Variants in USP4 observed in about 807,000 individuals in gnomAD.
The protein encoded by USP4 is ubiquitin specific peptidase 4.
A neutral mutation model predicts 118.2 loss-of-function variants in USP4; 72 were observed. The ratio of observed to expected loss-of-function variants is 0.61; its 90% CI spans 0.50 to 0.74. The LOEUF (loss-of-function observed/expected upper bound fraction) is 0.74. Ranked by LOEUF, USP4 falls within the 30% of genes least tolerant of loss-of-function variation. USP4 has a pLI of 0.00. For missense variants in USP4, 1,037 were observed against 1,185.7 expected, an observed-to-expected ratio of 0.87 and a Z score of 1.84; for synonymous variants, 415 against 440.4, an observed-to-expected ratio of 0.94 and a Z score of 0.72.
intron 8 of USP4, among the ~76,000 whole-genome samples, chr3:49,309,212 A>G (rs2047354633): frequency 6.6e-6 from 1 of 151,946 alleles, no homozygotes; most frequent in South Asian, 2.1e-4. Context: ...ACTTTAAGTA[A>G]ATTCCGTGAC....
Position 49,278,082 on chromosome 3 carries a change from C to G in USP4, c.*211G>C. ...AGGTTTCACAGAAATTTCTCACCAC[C>G]TGTTTAAAAATAAAAATAATTCAGC... On this transcript the variant is annotated 3_prime_UTR_variant, in exon 22 of 22. Transcript: ENST00000265560. The G allele has an allele frequency of 1.7e-6, 1 of 572,852 alleles. No individual in the cohort carries two copies. Among genetic ancestry groups the G allele is most frequent in the South Asian group, 3.2e-5 (1 of 31,136 alleles). The allele number at this position is 572,852 out of a possible 1,614,324, so 35.5% of individuals were successfully genotyped here.
chr3:49,294,416 T>A lies in USP4; in HGVS notation c.1874A>T (p.Asp625Val). 6.2e-7 allele frequency: 1 copy of A among 1,612,516 alleles called. No individual in the cohort carries two copies. The highest frequency in any genetic ancestry group is 8.5e-7 in the Non-Finnish European group (1 of 1,179,044). ...CATTCCTGCCACCAACCTGATACGA[T>A]CACAAACAGCCTGGTACAAAGACTC... is the stretch of plus-strand genomic sequence containing the variant. ...TLESLYQAVC[D>V]RISRYVKQPL... The change falls in exon 14 of 22, where the codon GAT (aspartate) becomes GTT (valine). Residue 625 changes from aspartate to valine, a missense_variant. This residue lies in a region of USP4 where 522 missense variants were observed against 592.6 expected (regional missense o/e 0.88). Coordinates refer to ENST00000265560, the MANE Select transcript of USP4 (RefSeq NM_003363.4).
intron 6 of USP4, among the ~76,000 whole-genome samples, chr3:49,319,518 G>A (rs1390888646): frequency 1.3e-5 from 2 of 152,014 alleles, no homozygotes; most frequent in Non-Finnish European, 1.5e-5. Context: ...CCAAAGTGCT[G>A]GGATTACAGG....
At chr3:49,320,844 A>G (rs1206519002) in intron 6 of USP4, among the ~76,000 whole-genome samples, 1 of 150,788 alleles carries the variant, frequency 6.6e-6, no homozygotes, top group Non-Finnish European at 1.5e-5. Context: ...TTCCTTTTGC[A>G]GGTGTGGCAG....
At chr3:49,278,759 C>A in intron 21 of USP4, 55 bp downstream of exon 21, 1 of 1,359,350 alleles carries the variant, frequency 7.4e-7, no homozygotes, top group South Asian at 1.3e-5. Flanking sequence ...AGAGGCTCTT[C>A]CCAGCTTTAA....
intron 6 of USP4, chr3:49,317,458 G>GTCAACA (rs774211530): frequency 9.1e-6 from 7 of 771,554 alleles, no homozygotes; most frequent in Non-Finnish European, 6.8e-6. Context: ...GCCCTGCTGG[G>GTCAACA]TCAACATCTC....
chr3:49,310,716 C>G lies in USP4; in HGVS notation c.858G>C (p.Ser286=). The G allele has an allele frequency of 6.2e-7, 1 of 1,614,076 alleles. No homozygotes were observed. Among genetic ancestry groups the G allele is most frequent in the Non-Finnish European group, 8.5e-7 (1 of 1,179,982 alleles). Reference sequence around the variant, plus strand: ...AGGATGGTGGCTCCTGACAATTATACGAAGCAGAAAAGCCAGATCCACTGG... The same window carrying G: ...AGGATGGTGGCTCCTGACAATTATAGGAAGCAGAAAAGCCAGATCCACTGG... ...VSRGGSGFSA[S]YNCQEPPSSH... Residue 286 remains serine (S), a synonymous_variant, in exon 8 of 22, where the codon TCG becomes TCC. Coordinates refer to ENST00000265560, the MANE Select transcript of USP4 (RefSeq NM_003363.4).
intron 6 of USP4, among the ~76,000 whole-genome samples, chr3:49,317,893 T>C (rs1306794463): frequency 1.3e-5 from 2 of 150,966 alleles, no homozygotes; most frequent in Admixed American, 1.3e-4. Context: ...TGGAAAGCAA[T>C]GGTGAAGTCT....
intron 6 of USP4, among the ~76,000 whole-genome samples, chr3:49,320,051 GA>G: frequency 6.6e-6 from 1 of 152,028 alleles, no homozygotes; most frequent in Non-Finnish European, 1.5e-5. Context: ...CAAGAAGCTG[GA>G]ACTGCAGGCA....
At chr3:49,301,194 G>A (rs2047259652) in intron 10 of USP4, among the ~76,000 whole-genome samples, 1 of 152,014 alleles carries the variant, frequency 6.6e-6, no homozygotes, top group South Asian at 2.1e-4. Context: ...TCCCACCTCA[G>A]CCTCCAAAGT....
intron 3 of USP4, among the ~76,000 whole-genome samples, chr3:49,326,193 T>C (rs769690897): frequency 2.0e-5 from 3 of 152,018 alleles, no homozygotes; most frequent in Non-Finnish European, 4.4e-5. Context: ...GGCATGTGCC[T>C]GTAATCCCAA....
intron 6 of USP4, among the ~76,000 whole-genome samples, chr3:49,322,948 T>C (rs1319428370): frequency 6.6e-6 from 1 of 151,880 alleles, no homozygotes; most frequent in Non-Finnish European, 1.5e-5. Context: ...TTATGGCTTG[T>C]CTTCACTCAC....
intron 15 of USP4, among the ~76,000 whole-genome samples, chr3:49,288,642 T>G (rs987512594): frequency 6.6e-6 from 1 of 151,536 alleles, no homozygotes; most frequent in African/African-American, 2.4e-5. Flanking sequence ...GCCATTGTAT[T>G]CCAGCCTGGG....
intron 6 of USP4, among the ~76,000 whole-genome samples, chr3:49,316,407 C>A (rs1488200199): frequency 1.3e-5 from 2 of 151,960 alleles, no homozygotes; most frequent in Admixed American, 1.3e-4. Flanking sequence ...CATGCCTCAG[C>A]CTCCCCAGTT....
At chr3:49,289,743 C>T (rs542048266) in intron 15 of USP4, among the ~76,000 whole-genome samples, 2 of 151,328 alleles carry the variant, frequency 1.3e-5, no homozygotes, top group Non-Finnish European at 2.9e-5. Flanking sequence ...TGGTGGTGGG[C>T]GCCTATAATC....
chr3:49,296,982 T>A (rs1401678570), intron 13 of USP4, among the ~76,000 whole-genome samples: 2 of 152,200 alleles, frequency 1.3e-5, no homozygotes, highest in Non-Finnish European at 2.9e-5. Context: ...CAGAAATAGA[T>A]CTTGGGTGTG....
At chr3:49,278,767 T>G in intron 21 of USP4, 47 bp downstream of exon 21, 1 of 1,408,054 alleles carries the variant, frequency 7.1e-7, no homozygotes, top group Non-Finnish European at 9.9e-7. Flanking sequence ...TTCCCAGCTT[T>G]AATCCATAAC....
chr3:49,337,693 T>G (rs551023233), intron 1 of USP4, among the ~76,000 whole-genome samples: 1 of 152,026 alleles, frequency 6.6e-6, no homozygotes, highest in Non-Finnish European at 1.5e-5. Flanking sequence ...TGCCTCAGCT[T>G]CCCAAAGTGC....
chr3:49,324,008 GT>G (rs922348294), intron 6 of USP4, among the ~76,000 whole-genome samples: 1 of 150,730 alleles, frequency 6.6e-6, no homozygotes, highest in Non-Finnish European at 1.5e-5. Context: ...TTTTGTTTTT[GT>G]TTTTTTTGGG....
Sources: allele counts gnomAD v4.1 joint callset (sites outside exome capture counted in the v4.1 genomes callset), GRCh38; gene constraint gnomAD v4.1.1; regional missense constraint gnomAD v4.1.1; transcripts MANE v1.5; gene names NCBI Gene and HGNC (gene_info 2026-07-23, HGNC 2026-07-21).